The following CMSS1 variants were observed in gnomAD, a reference collection of about 807,000 sequenced individuals.
CMSS1 encodes the protein protein CMSS1.
Under a neutral mutation model 43.5 loss-of-function variants are expected in CMSS1, and 33 were observed. The observed-to-expected ratio is 0.76, with a 90% CI of 0.57 to 1.01. The LOEUF is 1.01. Ranked by LOEUF, CMSS1 falls within the 50% of genes least tolerant of loss-of-function variation. The probability of loss-of-function intolerance (pLI) is 0.00; values close to 1 mark genes in which losing one functional copy is unlikely to be tolerated. For missense variants in CMSS1, 313 were observed against 326.4 expected (o/e 0.96, Z 0.32); for synonymous variants, 115 against 117.2 (o/e 0.98, Z 0.12).
chr3:100,115,796 A>C (rs1435559830), intron 1 of CMSS1, among the ~76,000 whole-genome samples: 2 of 152,126 alleles, frequency 1.3e-5, no homozygotes, highest in African/African-American at 4.8e-5. Flanking sequence ...TTTACTTTCT[A>C]ATCCATAGAT....
At chr3:100,000,655 G>C (rs1186932647) in intron 1 of CMSS1, among the ~76,000 whole-genome samples, 5 of 152,234 alleles carry the variant, frequency 3.3e-5, no homozygotes, top group Non-Finnish European at 5.9e-5. Context: ...TTCAAGGCCA[G>C]AGTGAGCTAT....
chr3:99,872,434 T>C (rs79807602), intron 1 of CMSS1, among the ~76,000 whole-genome samples: 1 of 152,034 alleles, frequency 6.6e-6, no homozygotes, highest in African/African-American at 2.4e-5. Flanking sequence ...TGCTTTCTTT[T>C]GCTGATAATA....
chr3:100,021,948 T>A (rs1559728563), intron 1 of CMSS1, among the ~76,000 whole-genome samples: 2 of 129,566 alleles, frequency 1.5e-5, no homozygotes, highest in African/African-American at 5.7e-5. Flanking sequence ...TGTGTGTGTG[T>A]GTGTGTGTGT....
chr3:100,071,630 TC>T (rs1399581713), intron 1 of CMSS1, among the ~76,000 whole-genome samples: 2 of 152,208 alleles, frequency 1.3e-5, no homozygotes, highest in African/African-American at 4.8e-5. Context: ...GAAGTCAACT[TC>T]TGGACACATC....
chr3:100,093,454 A>C (rs1232381837), intron 1 of CMSS1, among the ~76,000 whole-genome samples: 1 of 152,038 alleles, frequency 6.6e-6, no homozygotes, highest in African/African-American at 2.4e-5. Context: ...ACTTTTTTAC[A>C]AAAAATATAT....
At chr3:99,893,516 GT>G (rs1173946255) in intron 1 of CMSS1, among the ~76,000 whole-genome samples, 1 of 152,084 alleles carries the variant, frequency 6.6e-6, no homozygotes, top group Non-Finnish European at 1.5e-5. Context: ...AAATATTATT[GT>G]TCATTTTATA....
intron 1 of CMSS1, among the ~76,000 whole-genome samples, chr3:99,944,657 C>G (rs1385017215): frequency 6.6e-6 from 1 of 152,212 alleles, no homozygotes. Context: ...AGTGGCAGAA[C>G]AGGAATTCAA....
chr3:99,938,063 G>GTC (rs1707737914), intron 1 of CMSS1, among the ~76,000 whole-genome samples: 1 of 92,878 alleles, frequency 1.1e-5, no homozygotes, highest in South Asian at 3.8e-4. Context: ...GTGTGTGTGT[G>GTC]TGTGTGTGTG....
intron 1 of CMSS1, among the ~76,000 whole-genome samples, chr3:100,100,180 G>A (rs2066280056): frequency 6.6e-6 from 1 of 152,158 alleles, no homozygotes; most frequent in South Asian, 2.1e-4. Flanking sequence ...AGATTTTGGT[G>A]TGTGGGCTCT....
At chr3:100,112,669 T>C (rs1309260464) in intron 1 of CMSS1, among the ~76,000 whole-genome samples, 2 of 152,210 alleles carry the variant, frequency 1.3e-5, no homozygotes, top group Non-Finnish European at 2.9e-5. Flanking sequence ...TATTGGTTAG[T>C]ATAAGAATCC....
intron 1 of CMSS1, among the ~76,000 whole-genome samples, chr3:99,920,783 A>G (rs1441691079): frequency 6.6e-6 from 1 of 152,240 alleles, no homozygotes; most frequent in Non-Finnish European, 1.5e-5. Context: ...TCCACATAAA[A>G]CAAATTCTCC....
At chr3:99,859,769 T>G (rs916135385) in intron 1 of CMSS1, among the ~76,000 whole-genome samples, 2 of 832 alleles carry the variant, frequency 2.4e-3, no homozygotes, top group Non-Finnish European at 0.059. Flanking sequence ...TTATTTGAGA[T>G]AAATTTTGGT....
At chr3:100,037,653 C>G (rs1040753867) in intron 1 of CMSS1, among the ~76,000 whole-genome samples, 1 of 152,158 alleles carries the variant, frequency 6.6e-6, no homozygotes, top group African/African-American at 2.4e-5. Context: ...TGTCCCATAT[C>G]CCCTTCTGTA....
chr3:99,887,470 C>T (rs1407239312), intron 1 of CMSS1, among the ~76,000 whole-genome samples: 3 of 152,150 alleles, frequency 2.0e-5, no homozygotes, highest in African/African-American at 7.2e-5. Context: ...TGGTGGCTAT[C>T]ACAGCCATGA....
At chr3:100,064,989 TAAC>T (rs1403425455) in intron 1 of CMSS1, among the ~76,000 whole-genome samples, 1 of 152,176 alleles carries the variant, frequency 6.6e-6, no homozygotes, top group Admixed American at 6.5e-5. Context: ...CATGTGTGTG[TAAC>T]AAAACACTAT....
At chr3:99,851,590 T>G (rs1943699616) in intron 1 of CMSS1, among the ~76,000 whole-genome samples, 1 of 152,242 alleles carries the variant, frequency 6.6e-6, no homozygotes, top group South Asian at 2.1e-4. Context: ...CTCATTGTCC[T>G]GGCACATGGT....
At chr3:99,831,670 G>A (rs1942673399) in intron 1 of CMSS1, among the ~76,000 whole-genome samples, 1 of 152,186 alleles carries the variant, frequency 6.6e-6, no homozygotes, top group Admixed American at 6.5e-5. Context: ...TCAAGATTTA[G>A]ATTGGGTCTC....
chr3:99,886,428 G>GA (rs889864300), intron 1 of CMSS1, among the ~76,000 whole-genome samples: 40 of 149,652 alleles, frequency 2.7e-4, no homozygotes, highest in African/African-American at 7.6e-4. Flanking sequence ...AAAAAAATCG[G>GA]AAAAAAAAAA....
chr3:99,849,989 C>T, intron 1 of CMSS1: 1 of 1,612,058 alleles, frequency 6.2e-7, no homozygotes, highest in South Asian at 1.1e-5. Context: ...TCATCTCTCT[C>T]CTTGGTTACG....
Sources: gnomAD v4.1 joint callset for allele counts (sites outside exome capture counted in the v4.1 genomes callset) on GRCh38, gnomAD v4.1.1 for gene constraint, MANE v1.5 for transcripts, NCBI Gene and HGNC (gene_info 2026-07-23, HGNC 2026-07-21) for gene names.